Variants in SOX5 observed in about 807,000 individuals in gnomAD.
SOX5 encodes the protein transcription factor SOX-5.
SOX5 carries 9 observed loss-of-function variants against 92.0 expected under a neutral mutation model. That is an observed-to-expected ratio of 0.10 (90% CI 0.06 to 0.17). The LOEUF (loss-of-function observed/expected upper bound fraction) is 0.17, where lower values mean the gene tolerates loss of function less well. Among genes scored for constraint, SOX5 ranks in the 10% least tolerant of loss-of-function variants. The pLI, the probability that SOX5 is intolerant of heterozygous loss-of-function variation, is 1.00. For synonymous variants in SOX5, 344 were observed against 336.3 expected, an observed-to-expected ratio of 1.02 and a Z score of -0.25; for missense variants, 642 against 944.5, an observed-to-expected ratio of 0.68 and a Z score of 4.20.
Position 23,724,252 on chromosome 12 carries a change from A to G in SOX5, c.810+10432T>C, listed in dbSNP as rs542015510. Among the ~76,000 whole-genome samples the G allele has an allele frequency of 7.2e-5, 11 of 152,196 alleles. No individual in the cohort carries two copies. The South Asian group carries it at 2.3e-3, about 32-fold the overall frequency. The stretch of plus-strand genomic sequence containing the variant: ...ACCCCTTCAGTTTACAAAGTACTCA[A>G]CTGTCAGGGTTTCAGAATAACACAC... On this transcript the variant is annotated intron_variant, in intron 6 of 14. Coordinates refer to ENST00000451604, the MANE Select transcript of SOX5 (RefSeq NM_006940.6).
intron 1 of SOX5, among the ~76,000 whole-genome samples, chr12:24,454,574 T>C (rs1285729412): frequency 6.6e-6 from 1 of 152,164 alleles, no homozygotes; most frequent in Non-Finnish European, 1.5e-5. Flanking sequence ...TTTCTTTCTA[T>C]TTTTTCCACT....
chr12:23,932,432 T>C (rs1403637655), intron 1 of SOX5, among the ~76,000 whole-genome samples: 1 of 151,634 alleles, frequency 6.6e-6, no homozygotes, highest in African/African-American at 2.4e-5. Context: ...TTAGAAAATG[T>C]GAATATGAAC....
At chr12:24,405,917 C>CCG (rs1962832639) in intron 1 of SOX5, among the ~76,000 whole-genome samples, 1 of 152,088 alleles carries the variant, frequency 6.6e-6, no homozygotes, top group Non-Finnish European at 1.5e-5. Flanking sequence ...CCATCTTTCC[C>CCG]TGAGACAGAG....
intron 4 of SOX5, among the ~76,000 whole-genome samples, chr12:23,963,704 T>C (rs1442148726): frequency 6.6e-6 from 1 of 150,652 alleles, no homozygotes; most frequent in Non-Finnish European, 1.5e-5. Context: ...ATACAATGGA[T>C]AGTTTTTGGA....
chr12:23,793,094 G>A (rs569960234), intron 3 of SOX5, among the ~76,000 whole-genome samples: 5 of 152,170 alleles, frequency 3.3e-5, no homozygotes, highest in Admixed American at 2.0e-4. Context: ...AAGGATTTTC[G>A]AACTTCCTCT....
chr12:24,429,611 T>TAC (rs911978377), intron 1 of SOX5, among the ~76,000 whole-genome samples: 15 of 146,906 alleles, frequency 1.0e-4, no homozygotes, highest in African/African-American at 3.0e-4. Context: ...GAAACACACA[T>TAC]ACACACACAC....
At chr12:23,689,608 T>G (rs1405692185) in intron 6 of SOX5, among the ~76,000 whole-genome samples, 4 of 152,144 alleles carry the variant, frequency 2.6e-5, no homozygotes, top group African/African-American at 4.8e-5. Flanking sequence ...GCATTCTCTA[T>G]CATGTCATTC....
At chr12:24,250,076 T>C (rs1336242977) in intron 3 of SOX5, among the ~76,000 whole-genome samples, 2 of 152,206 alleles carry the variant, frequency 1.3e-5, no homozygotes, top group African/African-American at 2.4e-5. Flanking sequence ...ACAATAGTTA[T>C]ATCACAAAGA....
intron 4 of SOX5, among the ~76,000 whole-genome samples, chr12:23,957,948 G>A (rs905149219): frequency 5.3e-5 from 8 of 151,924 alleles, no homozygotes; most frequent in African/African-American, 1.9e-4. Flanking sequence ...AACTGCTTGG[G>A]TATCAAATGG....
chr12:24,220,414 G>C (rs887210127), intron 3 of SOX5, among the ~76,000 whole-genome samples: 2 of 149,308 alleles, frequency 1.3e-5, no homozygotes, highest in Admixed American at 6.6e-5. Flanking sequence ...GTATAAATAT[G>C]CAACGTTACA....
chr12:23,617,775 A>G (rs1371794905), intron 8 of SOX5, among the ~76,000 whole-genome samples: 2 of 149,442 alleles, frequency 1.3e-5, no homozygotes, highest in Admixed American at 1.3e-4. Context: ...AATAAATCTT[A>G]AACAGCTAGA....
intron 3 of SOX5, among the ~76,000 whole-genome samples, chr12:23,831,077 A>C (rs2096309406): frequency 6.6e-6 from 1 of 152,168 alleles, no homozygotes; most frequent in African/African-American, 2.4e-5. Context: ...GTCTTAAAAC[A>C]GGGAAATAAA....
At chr12:23,653,881 C>T (rs2139120568) in intron 7 of SOX5, among the ~76,000 whole-genome samples, 2 of 152,204 alleles carry the variant, frequency 1.3e-5, no homozygotes, top group Middle Eastern at 3.4e-3. Context: ...GGAATTATGT[C>T]TTGCTCATCT....
At chr12:23,607,530 C>A (rs1447279085) in intron 8 of SOX5, among the ~76,000 whole-genome samples, 1 of 152,136 alleles carries the variant, frequency 6.6e-6, no homozygotes. Context: ...GCTCCTTTTT[C>A]TCTCCATTAA....
intron 4 of SOX5, among the ~76,000 whole-genome samples, chr12:24,135,577 T>C (rs1593482665): frequency 1.3e-5 from 2 of 152,358 alleles, no homozygotes; most frequent in South Asian, 2.1e-4. Flanking sequence ...CCCAAAGTCC[T>C]ACTATCTTAG....
At chr12:24,030,529 T>C (rs1021490121) in intron 4 of SOX5, among the ~76,000 whole-genome samples, 2 of 151,908 alleles carry the variant, frequency 1.3e-5, no homozygotes, top group South Asian at 2.1e-4. Flanking sequence ...TCTCACACCA[T>C]ATAGAAAATC....
intron 4 of SOX5, among the ~76,000 whole-genome samples, chr12:23,752,762 G>A (rs983077576): frequency 6.6e-6 from 1 of 151,758 alleles, no homozygotes; most frequent in South Asian, 2.1e-4. Flanking sequence ...ATACTACATC[G>A]CTTATAAGTA....
At chr12:23,986,848 A>G (rs1241130976) in intron 4 of SOX5, among the ~76,000 whole-genome samples, 1 of 142,708 alleles carries the variant, frequency 7.0e-6, no homozygotes, top group East Asian at 1.9e-4. Flanking sequence ...CAAATTAGCC[A>G]ATTTTTTTTA....
chr12:24,250,559 C>T (rs1172171133), intron 3 of SOX5, among the ~76,000 whole-genome samples: 1 of 152,194 alleles, frequency 6.6e-6, no homozygotes, highest in Non-Finnish European at 1.5e-5. Flanking sequence ...TGTTAAAAAT[C>T]TAAAGGCAAC....
Sources: allele counts gnomAD v4.1 joint callset (sites outside exome capture counted in the v4.1 genomes callset), GRCh38; gene constraint gnomAD v4.1.1; transcripts MANE v1.5; gene names NCBI Gene and HGNC (gene_info 2026-07-23, HGNC 2026-07-21).